CFAP54: variants seen among roughly 807,000 people sequenced by gnomAD.
CFAP54 encodes cilia and flagella associated protein 54.
Under a neutral mutation model 370.4 loss-of-function variants are expected in CFAP54, and 290 were observed. That is an observed-to-expected ratio of 0.78 (90% CI 0.71 to 0.86). CFAP54 has a LOEUF of 0.86. Among genes scored for constraint, CFAP54 ranks in the 40% least tolerant of loss-of-function variants. The pLI is 0.00. For missense variants in CFAP54, 3,399 were observed against 3,528.7 expected (o/e 0.96, Z 0.93); for synonymous variants, 1,206 against 1,236.5 (o/e 0.98, Z 0.52).
At chr12:96,608,335 AT>A (rs1956322308) in intron 26 of CFAP54, among the ~76,000 whole-genome samples, 2 of 148,456 alleles carry the variant, frequency 1.3e-5, no homozygotes, top group South Asian at 2.1e-4. Flanking sequence ...ACACACACAC[AT>A]ACGCACACAC....
chr12:96,529,480 TA>T lies in CFAP54; in HGVS notation c.1357+2037del, dbSNP rs533890924. 3.3e-3 allele frequency among the ~76,000 whole-genome samples: 497 copies of T among 152,344 alleles called. 4 individuals carry two copies. The highest frequency in any genetic ancestry group is 0.011 in the African/African-American group (469 of 41,582). On this transcript the variant is annotated intron_variant, in intron 9 of 67. Transcript: ENST00000524981. ...TTAGTTTGCACACCCATCAACATTT[TA>T]TCAGGGTTCCATTACTCCAAATTTT...
chr12:96,810,379 T>A (rs149403341), intron 63 of CFAP54, among the ~76,000 whole-genome samples: 2,240 of 152,254 alleles, frequency 0.015, 28 homozygotes, highest in South Asian at 0.072. Context: ...AAAATACCTT[T>A]ACTCTTATCT....
intron 67 of CFAP54, among the ~76,000 whole-genome samples, chr12:96,873,359 A>G (rs1314928068): frequency 2.0e-5 from 3 of 152,210 alleles, no homozygotes; most frequent in Admixed American, 2.0e-4. Flanking sequence ...TAGAAAATCT[A>G]CCTTTAACTG....
Position 96,770,231 on chromosome 12 carries a change from G to T in CFAP54, c.8281+5013G>T, listed in dbSNP as rs118043379. ...GTGTGAATTTGTGTGTGTGTGTGTT[G>T]CATCCGAGTATTAGAGATGAGACAA... On this transcript the variant is annotated intron_variant, in intron 60 of 67. Transcript: ENST00000524981. Among the ~76,000 whole-genome samples, 301 of 150,196 alleles carry T rather than the reference G, an allele frequency of 2.0e-3. 6 individuals are homozygous for T. In the East Asian group the frequency reaches 0.048, roughly 24 times the overall value.
At chr12:96,597,573 A>G (rs1262129986) in intron 25 of CFAP54, among the ~76,000 whole-genome samples, 1 of 151,958 alleles carries the variant, frequency 6.6e-6, no homozygotes, top group African/African-American at 2.4e-5. Context: ...GAAAAGGCTG[A>G]GTAAATAATG....
At chr12:96,714,260 A>G (rs1332077357) in intron 48 of CFAP54, among the ~76,000 whole-genome samples, 1 of 152,216 alleles carries the variant, frequency 6.6e-6, no homozygotes, top group East Asian at 1.9e-4. Context: ...AAGATTTGAA[A>G]GGAAGATCAG....
At chr12:96,652,066 A>G (rs1467930475) in intron 36 of CFAP54, among the ~76,000 whole-genome samples, 1 of 152,138 alleles carries the variant, frequency 6.6e-6, no homozygotes, top group Non-Finnish European at 1.5e-5. Context: ...CCCTACATAA[A>G]TTTGCCTTAA....
intron 32 of CFAP54, among the ~76,000 whole-genome samples, chr12:96,638,647 C>A (rs148497273): frequency 1.2e-3 from 181 of 152,128 alleles, no homozygotes; most frequent in African/African-American, 4.2e-3. Flanking sequence ...TATATCATTG[C>A]TTTGATTAAT....
chr12:96,514,247 C>T (rs1955206121), intron 5 of CFAP54, among the ~76,000 whole-genome samples: 1 of 152,160 alleles, frequency 6.6e-6, no homozygotes, highest in Non-Finnish European at 1.5e-5. Context: ...TTCCTCAAAG[C>T]ATAGCCAAGT....
chr12:96,851,126 T>C (rs918161905), intron 66 of CFAP54, among the ~76,000 whole-genome samples: 2 of 152,224 alleles, frequency 1.3e-5, no homozygotes, highest in African/African-American at 4.8e-5. Context: ...TTTTAGAATC[T>C]TGAACTCTCT....
At chr12:96,609,600 T>A (rs1380550836) in intron 26 of CFAP54, among the ~76,000 whole-genome samples, 1 of 152,154 alleles carries the variant, frequency 6.6e-6, no homozygotes, top group Non-Finnish European at 1.5e-5. Context: ...TAGATAAGGA[T>A]AGAAAATAAT....
rs77696073 is a variant in CFAP54, at chr12:96,633,668, C to A, written c.4316+3017C>A. Among the ~76,000 whole-genome samples, 917 of 152,246 alleles carry A rather than the reference C, an allele frequency of 6.0e-3. 6 individuals are homozygous for A. Among genetic ancestry groups the A allele is most frequent in the African/African-American group, 0.02 (844 of 41,540 alleles). ...GCATAAATCTTCCATAGTTTATTAC[C>A]ATTTACCTATTGAAGAGCATTTAGA... On this transcript the variant is annotated intron_variant, in intron 32 of 67. Transcript: ENST00000524981.
intron 23 of CFAP54, among the ~76,000 whole-genome samples, chr12:96,591,759 C>T (rs1020524511): frequency 6.7e-6 from 1 of 149,950 alleles, no homozygotes; most frequent in South Asian, 2.1e-4. Context: ...GGCATGGTGG[C>T]GCGTGCCTGT....
intron 39 of CFAP54, among the ~76,000 whole-genome samples, chr12:96,673,072 A>G (rs1168721272): frequency 2.6e-5 from 4 of 152,228 alleles, no homozygotes; most frequent in African/African-American, 9.6e-5. Flanking sequence ...AGACAGTTTG[A>G]GCAGTCATTA....
chr12:96,572,007 G>A (rs954355098), intron 19 of CFAP54, among the ~76,000 whole-genome samples: 1 of 152,152 alleles, frequency 6.6e-6, no homozygotes, highest in South Asian at 2.1e-4. Flanking sequence ...ATTGGGCCAT[G>A]GGATCTGAGT....
chr12:96,874,869 G>T (rs190920126), intron 67 of CFAP54, among the ~76,000 whole-genome samples: 1 of 151,558 alleles, frequency 6.6e-6, no homozygotes, highest in African/African-American at 2.4e-5. Context: ...CGCCCGCCTC[G>T]GCCTCCCAAA....
chr12:96,860,993 T>G, intron 67 of CFAP54, 41 bp downstream of exon 67: 1 of 1,404,150 alleles, frequency 7.1e-7, no homozygotes, highest in Non-Finnish European at 9.3e-7. Flanking sequence ...TTTCTCTTCA[T>G]TTGAGCTAAG....
rs1958084376 is a variant in CFAP54, at chr12:96,744,071, G to A, written c.7609G>A (p.Ala2537Thr). The A allele has an allele frequency of 1.9e-6, 3 of 1,610,496 alleles. No individual in the cohort carries two copies. The highest frequency in any genetic ancestry group is 2.2e-5 in the East Asian group (1 of 44,836). ...IEFRSSNTKY[A>T]NPLQPLKNIY... Reference sequence around the variant, plus strand: ...ATTTCGTTCATCAAACACTAAATATGCAAATCCATTACAGCCTTTGAAAAA... The same window carrying A: ...ATTTCGTTCATCAAACACTAAATATACAAATCCATTACAGCCTTTGAAAAA... Residue 2537 changes from alanine to threonine, a missense_variant, in exon 55 of 68, where the codon GCA becomes ACA. Coordinates refer to ENST00000524981, the MANE Select transcript of CFAP54 (RefSeq NM_001306084.2).
At position 96,541,047 on chromosome 12, in the gene CFAP54, C is replaced by G. The variant is rs1955563602; in HGVS notation, c.2077+60C>G. 4 of 1,120,476 alleles carry G rather than the reference C, an allele frequency of 3.6e-6. No homozygotes were observed. The South Asian group carries it at 9.0e-5, about 25-fold the overall frequency. 69.4% of individuals were successfully genotyped at this position (1,120,476 alleles called of 1,614,324 possible). On this transcript the variant is annotated intron_variant, in intron 14 of 67. Coordinates refer to ENST00000524981, the MANE Select transcript of CFAP54 (RefSeq NM_001306084.2). Reference sequence around the variant, plus strand: ...AAATACAAATATATAGGTATGATATCAAATGCAGGATAACTCCTACTAATG... The same window carrying G: ...AAATACAAATATATAGGTATGATATGAAATGCAGGATAACTCCTACTAATG...
Sources: allele counts gnomAD v4.1 joint callset (sites outside exome capture counted in the v4.1 genomes callset), GRCh38; gene constraint gnomAD v4.1.1; transcripts MANE v1.5; gene names NCBI Gene and HGNC (gene_info 2026-07-23, HGNC 2026-07-21).